Variants in MIA2 observed in about 807,000 individuals in gnomAD.
MIA2 encodes MIA SH3 domain ER export factor 2, also known as melanoma inhibitory activity protein 2.
MIA2 carries 127 observed loss-of-function variants against 167.8 expected under a neutral mutation model. The ratio of observed to expected loss-of-function variants is 0.76; its 90% CI spans 0.66 to 0.88. The LOEUF is 0.88. MIA2 is among the 40% of genes least tolerant of loss of function. The probability of loss-of-function intolerance (pLI) is 0.00; values close to 1 mark genes in which losing one functional copy is unlikely to be tolerated. For synonymous variants in MIA2, 552 were observed against 541.9 expected (o/e 1.02, Z -0.26); for missense variants, 1,690 against 1,624.7 (o/e 1.04, Z -0.69).
chr14:39,311,587 C>T (rs62000670), intron 18 of MIA2, among the ~76,000 whole-genome samples: 82,307 of 150,026 alleles, frequency 0.55, 24,255 homozygotes, highest in South Asian at 0.67. Context: ...ACGCCATTCT[C>T]CTTCCTCAGC....
At position 39,240,611 on chromosome 14, in the gene MIA2, G is replaced by C. The variant is rs1378108473; in HGVS notation, c.300G>C (p.Glu100Asp). The C allele has an allele frequency of 2.5e-6, 4 of 1,613,228 alleles. No individual in the cohort carries two copies. The South Asian group carries it at 3.3e-5, about 13-fold the overall frequency. Residue 100 changes from glutamate (E) to aspartate (D), a missense_variant, in exon 3 of 29, where the codon GAG becomes GAC. Coordinates refer to ENST00000640607, the MANE Select transcript of MIA2 (RefSeq NM_001329214.4). ...YFPRDAVQIE[E>D]VFISEEIQMS... ...CCAGAGATGCAGTCCAGATTGAAGAGGTGTTCATATCTGAGGAAATTCAGA... is the reference window on the plus strand; with the variant it reads ...CCAGAGATGCAGTCCAGATTGAAGACGTGTTCATATCTGAGGAAATTCAGA...
chr14:39,286,217 C>T (rs972911840), intron 9 of MIA2, among the ~76,000 whole-genome samples: 13 of 152,338 alleles, frequency 8.5e-5, no homozygotes, highest in Non-Finnish European at 1.3e-4. Flanking sequence ...CCGAGGCTGG[C>T]AGATCACTCT....
chr14:39,299,068 TAAAAAAAAAA>T (rs3065043), intron 13 of MIA2, among the ~76,000 whole-genome samples: 3 of 44,002 alleles, frequency 6.8e-5, no homozygotes, highest in African/African-American at 2.5e-4. Flanking sequence ...TCCCTGCCTC[TAAAAAAAAAA>T]AAAAAAAAAA....
At chr14:39,346,087 A>T in intron 26 of MIA2, 61 bp downstream of exon 26, 1 of 1,435,500 alleles carries the variant, frequency 7.0e-7, no homozygotes, top group Non-Finnish European at 9.7e-7. Context: ...AAGAACTGGA[A>T]GTTAGAATAA....
At chr14:39,262,814 T>C (rs1233351230) in intron 6 of MIA2, among the ~76,000 whole-genome samples, 1 of 152,068 alleles carries the variant, frequency 6.6e-6, no homozygotes, top group African/African-American at 2.4e-5. Context: ...TGGCTCTCTG[T>C]TTGTCTGTTA....
In MIA2 at chr14:39,349,067, G is replaced by A. The variant is rs2139127645; in HGVS notation, c.4072+90G>A. Reference sequence around the variant, plus strand: ...TACTATCTGTTAATGTAGTAACACAGTGGAGGAAAGTTTTTTCTAGCATTC... The same window carrying A: ...TACTATCTGTTAATGTAGTAACACAATGGAGGAAAGTTTTTTCTAGCATTC... On this transcript the variant is annotated intron_variant, in intron 28 of 28. Transcript: ENST00000640607. The A allele has an allele frequency of 2.8e-6, 4 of 1,424,838 alleles. No homozygotes were observed. In the South Asian group the frequency reaches 3.9e-5, roughly 14 times the overall value. 88.3% of individuals were successfully genotyped at this position (1,424,838 alleles called of 1,614,324 possible). A position where few individuals can be genotyped will look rare whatever the true frequency, so the allele number is the denominator to read the frequency against.
chr14:39,293,878 G>C, intron 11 of MIA2, 122 bp from the exon 12 acceptor site: 1 of 727,254 alleles, frequency 1.4e-6, no homozygotes, highest in East Asian at 2.8e-5. Flanking sequence ...AAACTGAGAA[G>C]GTTTCTTAAT....
intron 6 of MIA2, among the ~76,000 whole-genome samples, chr14:39,256,585 T>A (rs2054826027): frequency 2.6e-5 from 4 of 151,224 alleles, no homozygotes; most frequent in South Asian, 2.1e-4. Flanking sequence ...GGCAGCTTTT[T>A]AAAAAAAAAT....
chr14:39,236,210 G>GT (rs1241219639), intron 1 of MIA2, among the ~76,000 whole-genome samples: 1 of 152,140 alleles, frequency 6.6e-6, no homozygotes, highest in Non-Finnish European at 1.5e-5. Context: ...AGCCTAGTAA[G>GT]GATAATAGGC....
intron 23 of MIA2, among the ~76,000 whole-genome samples, chr14:39,365,671 CT>C (rs2074807006): frequency 2.4e-5 from 3 of 125,480 alleles, no homozygotes; most frequent in African/African-American, 5.0e-5. Flanking sequence ...ATCTATCTAT[CT>C]ATCTATCTAT....
chr14:39,352,563 G>T (rs1034980333), downstream of MIA2, among the ~76,000 whole-genome samples: 8 of 151,628 alleles, frequency 5.3e-5, no homozygotes, highest in African/African-American at 1.7e-4. Flanking sequence ...TGGTATCTGT[G>T]GGGGACTGGT....
rs537484079 is a variant in MIA2 at position 39,358,941 on chromosome 14, G to A, written c.2248+9964G>A. Among the ~76,000 whole-genome samples, 14 of 152,318 alleles carry A rather than the reference G, an allele frequency of 9.2e-5. 1 individual carries two copies. Among genetic ancestry groups the A allele is most frequent in the African/African-American group, 2.6e-4 (11 of 41,570 alleles). ...TTGTCTCAGAGGAGTACCTGGCCGT[G>A]TGAGGTGTCAGTCTGCCCCTACTGG... On this transcript the variant is annotated intron_variant, in intron 23 of 23. Coordinates refer to the MIA2 transcript ENST00000341502.
chr14:39,266,649 G>A (rs2055703377), intron 6 of MIA2: 1 of 985,596 alleles, frequency 1.0e-6, no homozygotes, highest in South Asian at 4.7e-5. Context: ...TTGGCAGGGC[G>A]CACCGGCGCG....
At chr14:39,366,151 G>C (rs1207589901) in intron 23 of MIA2, among the ~76,000 whole-genome samples, 2 of 152,204 alleles carry the variant, frequency 1.3e-5, no homozygotes, top group Admixed American at 6.5e-5. Context: ...AGTGGAGACT[G>C]TGGTGAGGTT....
intron 6 of MIA2, chr14:39,266,539 A>C: frequency 2.0e-6 from 2 of 985,516 alleles, no homozygotes; most frequent in Non-Finnish European, 2.4e-6. Flanking sequence ...TAAGCGAGGA[A>C]ACCAGATCGA....
chr14:39,279,572 G>C (rs755538803), intron 9 of MIA2, 35 bp downstream of exon 9: 2 of 1,401,058 alleles, frequency 1.4e-6, no homozygotes, highest in Non-Finnish European at 2.0e-6. Context: ...TCATGTTAGA[G>C]TCAGAGAACT....
At chr14:39,312,906 T>C (rs571640387) in intron 18 of MIA2, among the ~76,000 whole-genome samples, 15 of 142,918 alleles carry the variant, frequency 1.0e-4, no homozygotes, top group Middle Eastern at 7.2e-3. Flanking sequence ...TGTGTGTGTG[T>C]GCGTGTGTGT....
At chr14:39,295,183 CT>C (rs2061257523) in intron 13 of MIA2, among the ~76,000 whole-genome samples, 154 bp downstream of exon 13, 1 of 152,262 alleles carries the variant, frequency 6.6e-6, no homozygotes, top group African/African-American at 2.4e-5. Flanking sequence ...GTGTCTGTCT[CT>C]TTTGTATAGT....
intron 13 of MIA2, among the ~76,000 whole-genome samples, chr14:39,299,343 C>T (rs1328425301): frequency 4.3e-5 from 5 of 114,998 alleles, no homozygotes. Flanking sequence ...GAGTCTCGCT[C>T]TGTTGCCAGG....
Sources: gnomAD v4.1 joint callset for allele counts (sites outside exome capture counted in the v4.1 genomes callset) on GRCh38, gnomAD v4.1.1 for gene constraint, MANE v1.5 for transcripts, NCBI Gene and HGNC (gene_info 2026-07-23, HGNC 2026-07-21) for gene names.